Variants in ABRAXAS1 observed in about 807,000 individuals in gnomAD.
ABRAXAS1 encodes abraxas 1, BRCA1 A complex subunit.
A neutral mutation model predicts 38.4 loss-of-function variants in ABRAXAS1; 26 were observed. That is an observed-to-expected ratio of 0.68 (90% confidence interval 0.50 to 0.94). The LOEUF (loss-of-function observed/expected upper bound fraction) is 0.94, where lower values mean the gene tolerates loss of function less well. Ranked by LOEUF, ABRAXAS1 falls within the 40% of genes least tolerant of loss-of-function variation. The pLI, the probability that ABRAXAS1 is intolerant of heterozygous loss-of-function variation, is 0.00. For synonymous variants in ABRAXAS1, 144 were observed against 165.5 expected (o/e 0.87, Z 1.00); for missense variants, 438 against 481.9 (o/e 0.91, Z 0.85).
In ABRAXAS1 at chr4:83,459,741, T is replaced by C; in HGVS notation, c.*2728A>G. On this transcript the variant is annotated 3_prime_UTR_variant, in exon 9 of 9. Transcript: ENST00000321945. ...CCTCCACATAAAACTCCAAAACAGC[T>C]TTTGTCCCAGTTTGTTTCTCCATTT... 6.2e-7 allele frequency: 1 copy of C among 1,609,682 alleles called. No individual in the cohort carries two copies. Among genetic ancestry groups the C allele is most frequent in the Non-Finnish European group, 8.5e-7 (1 of 1,177,934 alleles).
chr4:83,469,226 C>T (rs1193814476), intron 5 of ABRAXAS1, 75 bp from the exon 6 acceptor site: 22 of 1,300,434 alleles, frequency 1.7e-5, no homozygotes, highest in Admixed American at 5.6e-5. Flanking sequence ...GAATAGATTA[C>T]TTGTCCCCTA....
At chr4:83,471,644 A>ATG (rs1722595221) in intron 4 of ABRAXAS1, among the ~76,000 whole-genome samples, 2 of 152,216 alleles carry the variant, frequency 1.3e-5, no homozygotes, top group Admixed American at 1.3e-4. Context: ...AACACAAAGT[A>ATG]TGTTATAGAG....
rs1203780757 is a variant in ABRAXAS1, at chr4:83,478,291, T to C, written c.179-1612A>G. 6.2e-6 allele frequency: 4 copies of C among 649,880 alleles called. No homozygotes were observed. In the African/African-American group the frequency reaches 7.2e-5, roughly 12 times the overall value. The allele number at this position is 649,880 out of a possible 1,614,324, so 40.3% of individuals were successfully genotyped here. A position where few individuals can be genotyped will look rare whatever the true frequency, so the allele number is the denominator to read the frequency against. On this transcript the variant is annotated intron_variant, in intron 2 of 8. Coordinates refer to ENST00000321945, the MANE Select transcript of ABRAXAS1 (RefSeq NM_139076.3). Reference sequence around the variant, plus strand: ...TGGATCTCTATAAGGGCACTTTGGATGGTATTTTAAAAATGTGGAAACATG... The same window carrying C: ...TGGATCTCTATAAGGGCACTTTGGACGGTATTTTAAAAATGTGGAAACATG...
intron 1 of ABRAXAS1, chr4:83,484,277 G>C: frequency 1.1e-6 from 1 of 887,862 alleles, no homozygotes; most frequent in Non-Finnish European, 1.3e-6. Flanking sequence ...CACACAGCAG[G>C]GAAGTGTATT....
chr4:83,473,595 A>G (rs1206220422), intron 3 of ABRAXAS1, among the ~76,000 whole-genome samples: 1 of 151,996 alleles, frequency 6.6e-6, no homozygotes, highest in African/African-American at 2.4e-5. Context: ...TCTGTGGTTC[A>G]CTATAGCCTT....
intron 7 of ABRAXAS1, among the ~76,000 whole-genome samples, chr4:83,465,314 A>AAAAAAAAAAAAAAAAAAAAAAAT (rs1722310319): frequency 6.6e-6 from 1 of 151,402 alleles, no homozygotes; most frequent in African/African-American, 2.4e-5. Flanking sequence ...AAAAAAAAAA[A>AAAAAAAAAAAAAAAAAAAAAAAT]AAAAAGAAGA....
At chr4:83,472,988 A>G (rs1303308721) in intron 3 of ABRAXAS1, among the ~76,000 whole-genome samples, 2 of 152,192 alleles carry the variant, frequency 1.3e-5, no homozygotes, top group Admixed American at 6.5e-5. Flanking sequence ...TCCTTTATAA[A>G]TAATTTTTGC....
Position 83,462,470 on chromosome 4 carries a change from C to T in ABRAXAS1, c.1229G>A (p.Ter410=). Residue 410 remains the stop codon, a stop_retained_variant, in exon 9 of 9, where the codon TGA becomes TAA. Transcript: ENST00000321945. ...FGEYSRSPTF[*] ...AATCTCCTTGTAAGGTTAAAAGGAT[C>T]AAAATGTAGGAGACCGTGAATATTC... 6.2e-7 allele frequency: 1 copy of T among 1,603,192 alleles called. No homozygotes were observed. The highest frequency in any genetic ancestry group is 8.5e-7 in the Non-Finnish European group (1 of 1,175,694).
At chr4:83,482,764 G>A (rs1481387227) in intron 1 of ABRAXAS1, among the ~76,000 whole-genome samples, 1 of 152,060 alleles carries the variant, frequency 6.6e-6, no homozygotes, top group Non-Finnish European at 1.5e-5. Flanking sequence ...AATAATCAGA[G>A]TAGCCCTGGG....
At chr4:83,464,732 T>C (rs771521734) in intron 7 of ABRAXAS1, among the ~76,000 whole-genome samples, 28 of 152,286 alleles carry the variant, frequency 1.8e-4, no homozygotes, top group African/African-American at 5.3e-4. Flanking sequence ...ACATAGCCAA[T>C]TGGCAGATCT....
intron 5 of ABRAXAS1, chr4:83,469,588 G>A: frequency 5.6e-6 from 1 of 177,126 alleles, no homozygotes; most frequent in South Asian, 1.3e-4. Context: ...ACCACACTGG[G>A]CCCAGATGAC....
chr4:83,476,560 T>C, intron 3 of ABRAXAS1, 83 bp downstream of exon 3: 1 of 983,100 alleles, frequency 1.0e-6, no homozygotes, highest in Non-Finnish European at 1.6e-6. Context: ...ATAACTAAGA[T>C]AATCTGTTAG....
intron 2 of ABRAXAS1, chr4:83,478,180 A>C: frequency 2.8e-6 from 2 of 723,872 alleles, no homozygotes; most frequent in Non-Finnish European, 5.1e-6. Flanking sequence ...CCAGCTTTAC[A>C]TATGGTTTGG....
intron 7 of ABRAXAS1, 171 bp from the exon 8 acceptor site, chr4:83,463,779 G>T: frequency 2.4e-6 from 1 of 408,534 alleles, no homozygotes. Context: ...AGCACTTGTA[G>T]GTTATAAATA....
Position 83,461,048 on chromosome 4 carries a change from TCAA to T in ABRAXAS1, c.*1418_*1420del. 1 of 1,612,514 alleles carries T rather than the reference TCAA, an allele frequency of 6.2e-7. No homozygotes were observed. The highest frequency in any genetic ancestry group is 1.1e-5 in the South Asian group (1 of 90,974). On this transcript the variant is annotated 3_prime_UTR_variant, in exon 9 of 9. Transcript: ENST00000321945. ...CAAATAATGGGTAAGAAAGAATACC[TCAA>T]CAACTGAATTGAGCTAGCTGAAATT... is the stretch of plus-strand genomic sequence containing the variant.
intron 6 of ABRAXAS1, 142 bp from the exon 7 acceptor site, chr4:83,467,680 TAGAG>T (rs1722423895): frequency 1.8e-6 from 1 of 563,804 alleles, no homozygotes; most frequent in South Asian, 2.2e-5. Flanking sequence ...TCTATGTGTA[TAGAG>T]AAAAACCAAC....
chr4:83,472,672 T>C (rs1722625855), intron 3 of ABRAXAS1, among the ~76,000 whole-genome samples: 2 of 152,230 alleles, frequency 1.3e-5, no homozygotes, highest in African/African-American at 4.8e-5. Flanking sequence ...AAAGAATGTA[T>C]AACCAGTAAT....
chr4:83,466,598 C>T (rs1258259505), intron 7 of ABRAXAS1, among the ~76,000 whole-genome samples: 1 of 151,258 alleles, frequency 6.6e-6, no homozygotes. Context: ...TGCAGTGGCA[C>T]GATCTTGGCT....
chr4:83,466,201 C>G (rs1722345396), intron 7 of ABRAXAS1, among the ~76,000 whole-genome samples: 1 of 152,232 alleles, frequency 6.6e-6, no homozygotes, highest in Non-Finnish European at 1.5e-5. Flanking sequence ...TTATCCCCCT[C>G]TCCTTTCTCA....
Sources: gnomAD v4.1 joint callset for allele counts (sites outside exome capture counted in the v4.1 genomes callset) on GRCh38, gnomAD v4.1.1 for gene constraint, MANE v1.5 for transcripts, NCBI Gene and HGNC (gene_info 2026-07-23, HGNC 2026-07-21) for gene names.